The following SLAIN2 variants were observed in gnomAD, a reference collection of about 807,000 sequenced individuals.
SLAIN2 encodes the protein SLAIN motif-containing protein 2.
A neutral mutation model predicts 56.6 loss-of-function variants in SLAIN2; 31 were observed. The ratio of observed to expected loss-of-function variants is 0.55; its 90% CI spans 0.41 to 0.74. The LOEUF (loss-of-function observed/expected upper bound fraction) is 0.74, where lower values mean the gene tolerates loss of function less well. Ranked by LOEUF, SLAIN2 falls within the 30% of genes least tolerant of loss-of-function variation. The pLI is 0.00. For synonymous variants in SLAIN2, 317 were observed against 284.9 expected, an observed-to-expected ratio of 1.11 and a Z score of -1.13; for missense variants, 777 against 754.2, an observed-to-expected ratio of 1.03 and a Z score of -0.35.
chr4:48,385,030 G>A (rs1716065527), intron 6 of SLAIN2, among the ~76,000 whole-genome samples: 1 of 152,130 alleles, frequency 6.6e-6, no homozygotes, highest in Non-Finnish European at 1.5e-5. Context: ...GTAATGTGAT[G>A]GAAAGGAAAG....
chr4:48,361,230 GAACTTGAGCAGGGGA>G (rs1276320588), intron 1 of SLAIN2, among the ~76,000 whole-genome samples: 1 of 152,196 alleles, frequency 6.6e-6, no homozygotes, highest in Non-Finnish European at 1.5e-5. Context: ...AGAGCTGGAT[GAACTTGAGCAGGGGA>G]GGGTGAGGTA....
chr4:48,385,513 C>G (rs1463974080), intron 6 of SLAIN2, among the ~76,000 whole-genome samples: 1 of 152,172 alleles, frequency 6.6e-6, no homozygotes, highest in African/African-American at 2.4e-5. Context: ...TATATTCTTT[C>G]ATTTTCTCAA....
At position 48,400,388 on chromosome 4, in the gene SLAIN2, C is replaced by CTTTTTTTTTT. The variant is rs3081372; in HGVS notation, c.1360+16621_1360+16630dup. ...TTCTGATTGTGTCTGTTTGATTCTTCTTTTTTTTTTTTTTTTTTTTTTTTT... is the reference window on the plus strand; with the variant it reads ...TTCTGATTGTGTCTGTTTGATTCTTCTTTTTTTTTTTTTTTTTTTTTTTTTTTTTTTTTTT... On this transcript the variant is annotated intron_variant, in intron 6 of 7. Coordinates refer to ENST00000264313, the MANE Select transcript of SLAIN2 (RefSeq NM_020846.2). 2.1e-5 allele frequency among the ~76,000 whole-genome samples: 2 copies of CTTTTTTTTTT among 96,444 alleles called. 1 individual carries two copies. 63.3% of individuals were successfully genotyped at this position (96,444 alleles called of 152,430 possible).
At chr4:48,411,061 T>C (rs1716831690) in intron 6 of SLAIN2, among the ~76,000 whole-genome samples, 1 of 152,096 alleles carries the variant, frequency 6.6e-6, no homozygotes, top group African/African-American at 2.4e-5. Flanking sequence ...CAATTGTGTT[T>C]CGTTGGTGTT....
At chr4:48,403,118 C>T (rs1300406753) in intron 6 of SLAIN2, among the ~76,000 whole-genome samples, 3 of 152,224 alleles carry the variant, frequency 2.0e-5, no homozygotes, top group African/African-American at 7.2e-5. Flanking sequence ...GGACACTGAC[C>T]TGATGCTGGC....
chr4:48,413,894 T>A (rs1266709674), intron 6 of SLAIN2, among the ~76,000 whole-genome samples: 1 of 152,198 alleles, frequency 6.6e-6, no homozygotes, highest in Non-Finnish European at 1.5e-5. Flanking sequence ...TTTCAGTGAA[T>A]ATCAAGTTAA....
chr4:48,405,509 CTT>C (rs1716670227), intron 6 of SLAIN2, among the ~76,000 whole-genome samples: 2 of 151,928 alleles, frequency 1.3e-5, no homozygotes, highest in Non-Finnish European at 2.9e-5. Flanking sequence ...TTGCTGATTA[CTT>C]TTTCATGGCT....
intron 6 of SLAIN2, among the ~76,000 whole-genome samples, chr4:48,391,037 G>A (rs1490686284): frequency 1.3e-5 from 2 of 152,160 alleles, no homozygotes; most frequent in Non-Finnish European, 2.9e-5. Flanking sequence ...CAAGTCTAAT[G>A]ATTTTTCAGT....
chr4:48,386,520 A>G (rs1203601901), intron 6 of SLAIN2, among the ~76,000 whole-genome samples: 3 of 152,228 alleles, frequency 2.0e-5, no homozygotes, highest in Admixed American at 6.5e-5. Context: ...TTAAAATTCT[A>G]ACGTTTAAAG....
At chr4:48,367,818 TTA>T (rs1218923498) in intron 1 of SLAIN2, among the ~76,000 whole-genome samples, 5 of 152,124 alleles carry the variant, frequency 3.3e-5, no homozygotes, top group Non-Finnish European at 7.3e-5. Flanking sequence ...ATAAAAGTCG[TTA>T]TATGTTAGTG....
At chr4:48,402,003 A>T (rs1256318027) in intron 6 of SLAIN2, among the ~76,000 whole-genome samples, 1 of 152,010 alleles carries the variant, frequency 6.6e-6, no homozygotes, top group Non-Finnish European at 1.5e-5. Context: ...TCTGAAAAGG[A>T]TCTTATTTCT....
Position 48,379,761 on chromosome 4 carries a change from T to A in SLAIN2, c.775T>A (p.Ser259Thr). Reference sequence around the variant, plus strand: ...CTCTATAGATAGTGAGTTAAGTGCTTCAGAATTAGATGAAGATTCAATTGG... The same window carrying A: ...CTCTATAGATAGTGAGTTAAGTGCTACAGAATTAGATGAAGATTCAATTGG... ...QSSIDSELSA[S>T]ELDEDSIGSN... Residue 259 changes from serine (S) to threonine (T), a missense_variant, in exon 4 of 8, where the codon TCA becomes ACA. Ser to Thr is a moderately conservative substitution (Grantham distance 58). Coordinates refer to ENST00000264313, the MANE Select transcript of SLAIN2 (RefSeq NM_020846.2). 6.3e-7 allele frequency: 1 copy of A among 1,596,728 alleles called. No individual in the cohort carries two copies. Among genetic ancestry groups the A allele is most frequent in the Non-Finnish European group, 8.5e-7 (1 of 1,172,480 alleles).
intron 1 of SLAIN2, among the ~76,000 whole-genome samples, chr4:48,366,242 C>G (rs1423044076): frequency 1.3e-5 from 2 of 152,136 alleles, no homozygotes; most frequent in African/African-American, 4.8e-5. Context: ...CATGGTCTGT[C>G]CCAGAGAATG....
chr4:48,341,584 AC>A lies in SLAIN2; in HGVS notation c.-153del. The A allele has an allele frequency of 8.3e-7, 1 of 1,202,774 alleles. No individual in the cohort carries two copies. Among genetic ancestry groups the A allele is most frequent in the African/African-American group, 1.6e-5 (1 of 62,164 alleles). The allele number at this position is 1,202,774 out of a possible 1,614,324, so 74.5% of individuals were successfully genotyped here. Reference sequence around the variant, plus strand: ...CGGCTGGGGCCAGCGGCGCTTTGGAACCCGAGGTGGGGGGACCCTGGCGGTG... The same window carrying A: ...CGGCTGGGGCCAGCGGCGCTTTGGAACCGAGGTGGGGGGACCCTGGCGGTG... On this transcript the variant is annotated 5_prime_UTR_variant, in exon 1 of 8. It removes the in-frame stop codon of an upstream open reading frame in the 5' UTR. Coordinates refer to ENST00000264313, the MANE Select transcript of SLAIN2 (RefSeq NM_020846.2).
intron 6 of SLAIN2, among the ~76,000 whole-genome samples, chr4:48,414,705 C>G (rs1716954318): frequency 9.0e-6 from 1 of 110,748 alleles, no homozygotes; most frequent in African/African-American, 3.6e-5. Context: ...CTATCCCTCC[C>G]CCCTCCCCCG....
At chr4:48,356,417 C>T (rs1715158003) in intron 1 of SLAIN2, among the ~76,000 whole-genome samples, 1 of 151,970 alleles carries the variant, frequency 6.6e-6, no homozygotes, top group South Asian at 2.1e-4. Context: ...AAGATCTGTA[C>T]TAGTAGCTGA....
chr4:48,370,253 A>ATAAG (rs1715628828), intron 2 of SLAIN2, among the ~76,000 whole-genome samples: 1 of 152,182 alleles, frequency 6.6e-6, no homozygotes, highest in Non-Finnish European at 1.5e-5. Context: ...ATTTCGTATG[A>ATAAG]TAAGCTTTTT....
At chr4:48,389,661 A>G (rs1223331391) in intron 6 of SLAIN2, among the ~76,000 whole-genome samples, 1 of 152,226 alleles carries the variant, frequency 6.6e-6, no homozygotes, top group African/African-American at 2.4e-5. Flanking sequence ...CCCAACAAAG[A>G]AAGGAGATAT....
intron 1 of SLAIN2, among the ~76,000 whole-genome samples, chr4:48,342,410 T>C (rs1392010879): frequency 6.6e-6 from 1 of 152,182 alleles, no homozygotes; most frequent in African/African-American, 2.4e-5. Flanking sequence ...TGAGAAGGGC[T>C]GTTCGCCTGG....
Sources: allele counts gnomAD v4.1 joint callset (sites outside exome capture counted in the v4.1 genomes callset), GRCh38; gene constraint gnomAD v4.1.1; transcripts MANE v1.5; gene names NCBI Gene and HGNC (gene_info 2026-07-23, HGNC 2026-07-21).